The following ZC3H12B variants were observed in gnomAD, a reference collection of about 807,000 sequenced individuals.
ZC3H12B encodes the protein probable ribonuclease ZC3H12B.
ZC3H12B carries 7 observed loss-of-function variants against 43.9 expected under a neutral mutation model. The observed-to-expected ratio is 0.16, with a 90% confidence interval of 0.09 to 0.30. ZC3H12B has a LOEUF of 0.30. Ranked by LOEUF, ZC3H12B falls within the 10% of genes least tolerant of loss-of-function variation. The probability of loss-of-function intolerance (pLI) is 1.00; values close to 1 mark genes in which losing one functional copy is unlikely to be tolerated. For synonymous variants in ZC3H12B, 222 were observed against 241.7 expected (o/e 0.92, Z 0.76); for missense variants, 475 against 670.2 (o/e 0.71, Z 3.22).
At chrX:65,138,209 G>A in the ZC3H12B span, among the ~76,000 whole-genome samples, 1 of 111,905 alleles carries the variant, frequency 8.9e-6, no homozygotes, top group Non-Finnish European at 1.9e-5. Context: ...ACTGAAATTT[G>A]ATATCCTTTG....
chrX:65,405,544 C>T (rs2066811543), intron 3 of ZC3H12B, among the ~76,000 whole-genome samples: 2 of 111,168 alleles, frequency 1.8e-5, no homozygotes, highest in Admixed American at 9.6e-5. Context: ...CACTCAAACC[C>T]AGGAGGCGGA....
chrX:65,161,784 T>C, the ZC3H12B span, among the ~76,000 whole-genome samples: 1 of 111,945 alleles, frequency 8.9e-6, no homozygotes, highest in Non-Finnish European at 1.9e-5. Context: ...TATTGTTTTG[T>C]GTGAACTTGA....
At chrX:65,171,763 T>C in the ZC3H12B span, among the ~76,000 whole-genome samples, 2 of 110,956 alleles carry the variant, frequency 1.8e-5, no homozygotes, top group Admixed American at 9.6e-5. Context: ...CCCCCAGTCT[T>C]GCTTCCACCT....
chrX:65,214,511 A>G, the ZC3H12B span, among the ~76,000 whole-genome samples: 3 of 111,728 alleles, frequency 2.7e-5, no homozygotes, highest in Non-Finnish European at 5.6e-5. Context: ...TTTCTCAGTT[A>G]TAGGAAACAA....
At chrX:65,381,030 C>G (rs924862719) in intron 2 of ZC3H12B, among the ~76,000 whole-genome samples, 1 of 111,316 alleles carries the variant, frequency 9.0e-6, no homozygotes, top group African/African-American at 3.3e-5. Context: ...CCACTGTCAA[C>G]ATTGACAGAT....
At chrX:65,170,609 G>T in the ZC3H12B span, among the ~76,000 whole-genome samples, 281 of 111,817 alleles carry the variant, frequency 2.5e-3, 1 homozygote, top group South Asian at 0.014. Flanking sequence ...AGTTCTCCTG[G>T]ATAATATCCT....
the ZC3H12B span, among the ~76,000 whole-genome samples, chrX:65,120,702 A>G: frequency 5.4e-5 from 6 of 111,445 alleles, no homozygotes; most frequent in African/African-American, 2.0e-4. Flanking sequence ...AGGAGTGGTG[A>G]CAGAGGGCAT....
At chrX:65,428,990 TC>T (rs1309764232) in intron 3 of ZC3H12B, among the ~76,000 whole-genome samples, 1 of 112,378 alleles carries the variant, frequency 8.9e-6, no homozygotes, top group East Asian at 2.8e-4. Flanking sequence ...GTTTTAGCAG[TC>T]AGGCCACTCT....
the ZC3H12B span, among the ~76,000 whole-genome samples, chrX:65,143,408 G>A: frequency 9.0e-6 from 1 of 110,920 alleles, no homozygotes; most frequent in Admixed American, 9.6e-5. Context: ...ATAAAGGGAT[G>A]CTGGATTTTG....
At chrX:65,453,696 T>A (rs2067558270) in intron 3 of ZC3H12B, among the ~76,000 whole-genome samples, 1 of 108,522 alleles carries the variant, frequency 9.2e-6, no homozygotes, top group Non-Finnish European at 1.9e-5. Context: ...CACTCGAGCC[T>A]CGAGCCTAGG....
At chrX:65,346,050 A>G in the ZC3H12B span, among the ~76,000 whole-genome samples, 1 of 111,678 alleles carries the variant, frequency 9.0e-6, no homozygotes, top group African/African-American at 3.3e-5. Flanking sequence ...TACAACCCAA[A>G]GCAATATACA....
chrX:65,183,806 T>C, the ZC3H12B span, among the ~76,000 whole-genome samples: 1 of 111,603 alleles, frequency 9.0e-6, no homozygotes, highest in Non-Finnish European at 1.9e-5. Flanking sequence ...TAATATATAG[T>C]AAATGCAGTC....
chrX:65,125,152 G>A, the ZC3H12B span, among the ~76,000 whole-genome samples: 217 of 110,983 alleles, frequency 2.0e-3, no homozygotes, highest in Middle Eastern at 0.023. Context: ...CACCACTTTT[G>A]CTGTAACCCA....
chrX:65,059,082 C>G, the ZC3H12B span, among the ~76,000 whole-genome samples: 30 of 111,605 alleles, frequency 2.7e-4, no homozygotes, highest in Admixed American at 2.7e-3. Flanking sequence ...CACCCACTGT[C>G]CTGCACCCAC....
rs1268026573 is a variant in ZC3H12B, at chrX:65,427,525, T to G, written n.407+28821T>G. On this transcript the variant is annotated intron_variant and non_coding_transcript_variant, in intron 3 of 5. Coordinates refer to the ZC3H12B transcript ENST00000617377. The stretch of plus-strand genomic sequence containing the variant: ...TCTATTTTTAGTAGAGATGGGGTTT[T>G]ACCATGTTGACCAGGCTGGCCTCAA... Among the ~76,000 whole-genome samples the G allele has an allele frequency of 7.2e-5, 8 of 110,649 alleles. No homozygotes were observed. In the East Asian group the frequency reaches 2.3e-3, roughly 32 times the overall value.
chrX:65,266,053 T>G, the ZC3H12B span, among the ~76,000 whole-genome samples: 2 of 111,539 alleles, frequency 1.8e-5, no homozygotes, highest in Non-Finnish European at 3.8e-5. Context: ...CTGGGAATTT[T>G]GCAGGAGAGT....
At chrX:65,183,264 T>C in the ZC3H12B span, among the ~76,000 whole-genome samples, 1 of 111,975 alleles carries the variant, frequency 8.9e-6, no homozygotes, top group Non-Finnish European at 1.9e-5. Flanking sequence ...GTATTTTTCA[T>C]CAACATGGAT....
At chrX:65,309,568 C>T in the ZC3H12B span, among the ~76,000 whole-genome samples, 6 of 111,762 alleles carry the variant, frequency 5.4e-5, no homozygotes, top group East Asian at 1.4e-3. Context: ...ACCAGAGGTA[C>T]GAAGAGGAGC....
chrX:65,125,435 T>C, the ZC3H12B span, among the ~76,000 whole-genome samples: 1 of 111,609 alleles, frequency 9.0e-6, no homozygotes, highest in Admixed American at 9.5e-5. Flanking sequence ...ATGTTCCATG[T>C]GCTGATGAAT....
Sources: gnomAD v4.1 joint callset for allele counts (sites outside exome capture counted in the v4.1 genomes callset) on GRCh38, gnomAD v4.1.1 for gene constraint, MANE v1.5 for transcripts, NCBI Gene and HGNC (gene_info 2026-07-23, HGNC 2026-07-21) for gene names.